Variants in SGCD observed in about 807,000 individuals in gnomAD.
SGCD encodes sarcoglycan delta, also known as delta-sarcoglycan.
In SGCD, 18 loss-of-function variants were observed where a neutral mutation model predicts 36.6. The observed-to-expected ratio is 0.49, with a 90% CI of 0.34 to 0.73. The LOEUF is 0.73. Ranked by LOEUF, SGCD falls within the 30% of genes least tolerant of loss-of-function variation. The pLI is 0.01. For missense variants in SGCD, 387 were observed against 346.7 expected, an observed-to-expected ratio of 1.12 and a Z score of -0.92; for synonymous variants, 133 against 130.6, an observed-to-expected ratio of 1.02 and a Z score of -0.12.
At chr5:156,568,334 T>C (rs1468402853) in intron 4 of SGCD, among the ~76,000 whole-genome samples, 1 of 152,162 alleles carries the variant, frequency 6.6e-6, no homozygotes, top group Non-Finnish European at 1.5e-5. Flanking sequence ...TGAGCCAATA[T>C]CGTGCCACTG....
intron 1 of SGCD, among the ~76,000 whole-genome samples, chr5:156,112,044 T>C (rs1761801641): frequency 6.6e-6 from 1 of 152,178 alleles, no homozygotes. Context: ...CCTCTCAAAG[T>C]GCTGGGATTA....
At chr5:156,673,174 A>G (rs1753371696) in intron 7 of SGCD, among the ~76,000 whole-genome samples, 1 of 152,234 alleles carries the variant, frequency 6.6e-6, no homozygotes, top group Admixed American at 6.5e-5. Flanking sequence ...TGTCTGCAAC[A>G]CATTGTTTAT....
chr5:155,977,667 C>T (rs1309674531), intron 1 of SGCD, among the ~76,000 whole-genome samples: 2 of 152,148 alleles, frequency 1.3e-5, no homozygotes, highest in Non-Finnish European at 2.9e-5. Context: ...AGAATATTCA[C>T]CCAGGAGGGG....
At chr5:156,624,951 C>T (rs1195599596) in intron 6 of SGCD, among the ~76,000 whole-genome samples, 1 of 152,192 alleles carries the variant, frequency 6.6e-6, no homozygotes, top group Non-Finnish European at 1.5e-5. Flanking sequence ...GATACCTGCA[C>T]ATTTGCCTCT....
intron 3 of SGCD, among the ~76,000 whole-genome samples, chr5:156,395,284 TAG>T (rs1771788949): frequency 6.6e-6 from 1 of 152,206 alleles, no homozygotes; most frequent in Non-Finnish European, 1.5e-5. Flanking sequence ...TAACTAGGAC[TAG>T]GGCATCCTAT....
chr5:155,744,576 A>G, the SGCD span, among the ~76,000 whole-genome samples: 1 of 152,226 alleles, frequency 6.6e-6, no homozygotes, highest in East Asian at 1.9e-4. Flanking sequence ...TTTACAAAGA[A>G]CTTGTTAGAA....
At chr5:156,714,258 A>G (rs757023694) in intron 7 of SGCD, among the ~76,000 whole-genome samples, 9 of 152,214 alleles carry the variant, frequency 5.9e-5, no homozygotes, top group Non-Finnish European at 1.3e-4. Flanking sequence ...TCTTCTTGTA[A>G]ACAAGCATCT....
intron 3 of SGCD, among the ~76,000 whole-genome samples, chr5:156,299,108 A>G (rs1283662300): frequency 6.6e-6 from 1 of 152,180 alleles, no homozygotes; most frequent in Non-Finnish European, 1.5e-5. Flanking sequence ...TTTTGATCTT[A>G]TTATTATATA....
intron 4 of SGCD, among the ~76,000 whole-genome samples, chr5:156,535,456 A>G (rs1758065497): frequency 6.6e-6 from 1 of 152,238 alleles, no homozygotes. Context: ...ACTCAATGAG[A>G]TTCCATGTTG....
chr5:156,589,395 A>T (rs981334804), intron 5 of SGCD, 77 bp downstream of exon 5: 6 of 751,264 alleles, frequency 8.0e-6, no homozygotes, highest in African/African-American at 1.8e-5. Flanking sequence ...CAAAGGAAAC[A>T]CCATATGAAC....
At position 156,748,695 on chromosome 5, in the gene SGCD, A is replaced by C. The variant is rs189059431; in HGVS notation, c.576-8886A>C. 1.4e-3 allele frequency among the ~76,000 whole-genome samples: 212 copies of C among 152,344 alleles called. 6 individuals are homozygous for C. Among genetic ancestry groups the C allele is most frequent in the Admixed American group, 0.014 (210 of 15,294 alleles). Reference sequence around the variant, plus strand: ...TTGAGTGGAACAACTAAATAACTTGAGTTAATAAGACATATAATATGGCAC... The same window carrying C: ...TTGAGTGGAACAACTAAATAACTTGCGTTAATAAGACATATAATATGGCAC... On this transcript the variant is annotated intron_variant, in intron 7 of 8. Coordinates refer to ENST00000337851, the MANE Select transcript of SGCD (RefSeq NM_000337.6).
At chr5:156,492,931 T>C (rs1052413477) in intron 3 of SGCD, among the ~76,000 whole-genome samples, 1 of 152,190 alleles carries the variant, frequency 6.6e-6, no homozygotes, top group East Asian at 1.9e-4. Context: ...CCATGGTGTA[T>C]ATGTGCCACA....
At chr5:156,531,652 T>C (rs1757895006) in intron 4 of SGCD, among the ~76,000 whole-genome samples, 1 of 152,178 alleles carries the variant, frequency 6.6e-6, no homozygotes, top group Admixed American at 6.5e-5. Context: ...TTGGCCCATA[T>C]GGCAAAAAGT....
rs535376497 is a variant in SGCD, at chr5:156,210,900, G to T, written c.-44+86881G>T. Among the ~76,000 whole-genome samples, 4 of 152,156 alleles carry T rather than the reference G, an allele frequency of 2.6e-5. No homozygotes were observed. The South Asian group carries it at 6.2e-4, about 24-fold the overall frequency. ...AAATGGGGTGGAAAGCTTATTTAAA[G>T]AAATAATAGAAAACTTTATAAATCT... is the stretch of plus-strand genomic sequence containing the variant. On this transcript the variant is annotated intron_variant, in intron 3 of 9. Coordinates refer to the SGCD transcript ENST00000517913.
intron 1 of SGCD, among the ~76,000 whole-genome samples, chr5:155,911,427 C>A (rs1279170580): frequency 1.3e-5 from 2 of 151,578 alleles, no homozygotes; most frequent in Non-Finnish European, 2.9e-5. Flanking sequence ...ATCCTTCTAA[C>A]CTTAATAGCC....
At chr5:156,213,180 G>A (rs1343397422) in intron 3 of SGCD, among the ~76,000 whole-genome samples, 1 of 151,938 alleles carries the variant, frequency 6.6e-6, no homozygotes, top group Non-Finnish European at 1.5e-5. Context: ...ATCGAGACTA[G>A]AAAAACAATA....
chr5:156,022,775 T>G (rs1374403149), intron 1 of SGCD, among the ~76,000 whole-genome samples: 1 of 152,214 alleles, frequency 6.6e-6, no homozygotes, highest in East Asian at 1.9e-4. Flanking sequence ...TCTTTTCTCC[T>G]TTTCCTTTTT....
chr5:156,311,013 G>A (rs1161550259), intron 3 of SGCD, among the ~76,000 whole-genome samples: 1 of 152,152 alleles, frequency 6.6e-6, no homozygotes, highest in East Asian at 1.9e-4. Flanking sequence ...TAGTTAGAGG[G>A]AACAGCATCT....
chr5:155,963,842 G>T (rs1408070397), intron 1 of SGCD, among the ~76,000 whole-genome samples: 2 of 152,092 alleles, frequency 1.3e-5, no homozygotes, highest in African/African-American at 2.4e-5. Flanking sequence ...TATTAAAAAT[G>T]AACCCCTTCC....
Sources: allele counts gnomAD v4.1 joint callset (sites outside exome capture counted in the v4.1 genomes callset), GRCh38; gene constraint gnomAD v4.1.1; transcripts MANE v1.5; gene names NCBI Gene and HGNC (gene_info 2026-07-23, HGNC 2026-07-21).